UQCRC2: variants seen among roughly 807,000 people sequenced by gnomAD.
The protein encoded by UQCRC2 is cytochrome b-c1 complex subunit 2, mitochondrial.
UQCRC2 carries 49 observed loss-of-function variants against 55.6 expected under a neutral mutation model. The observed-to-expected ratio is 0.88, with a 90% confidence interval of 0.70 to 1.12. The LOEUF (loss-of-function observed/expected upper bound fraction) is 1.12, where lower values mean the gene tolerates loss of function less well. UQCRC2 is among the 50% of genes most tolerant of loss of function. The pLI is 0.00. For synonymous variants in UQCRC2, 193 were observed against 192.0 expected (o/e 1.01, Z -0.04); for missense variants, 506 against 547.8 (o/e 0.92, Z 0.76).
chr16:21,958,472 G>A lies in UQCRC2; in HGVS notation c.268-63G>A, dbSNP rs536514543. On this transcript the variant is annotated intron_variant, in intron 3 of 13. Transcript: ENST00000268379. ...TCTGCTCACAACAGATTTTGATATA[G>A]TGTGATGTTTGGCAAACTTGGCATT... 7.8e-6 allele frequency: 11 copies of A among 1,413,412 alleles called. No individual in the cohort carries two copies. In the Admixed American group the frequency reaches 1.4e-4, roughly 18 times the overall value. 87.6% of individuals were successfully genotyped at this position (1,413,412 alleles called of 1,614,324 possible). A position where few individuals can be genotyped will look rare whatever the true frequency, so the allele number is the denominator to read the frequency against.
rs1447343029 is a variant in UQCRC2 at position 21,953,578 on chromosome 16, C to T, written c.33+122C>T. On this transcript the variant is annotated intron_variant, in intron 1 of 13. Transcript: ENST00000268379. ...GATTCGGTCTGCCCTTCAGCTGAAC[C>T]CTGCGGGCCAAGTGGGCTGCAGACT... The T allele has an allele frequency of 3.8e-6, 5 of 1,299,274 alleles. No individual in the cohort carries two copies. In the Admixed American group the frequency reaches 7.7e-5, roughly 20 times the overall value. 80.5% of individuals were successfully genotyped at this position (1,299,274 alleles called of 1,614,324 possible). A position where few individuals can be genotyped will look rare whatever the true frequency, so the allele number is the denominator to read the frequency against.
At position 21,957,422 on chromosome 16, in the gene UQCRC2, C is replaced by G; in HGVS notation, c.123C>G (p.Thr41=). 1 of 1,613,950 alleles carries G rather than the reference C, an allele frequency of 6.2e-7. No individual in the cohort carries two copies. Among genetic ancestry groups the G allele is most frequent in the Non-Finnish European group, 8.5e-7 (1 of 1,179,968 alleles). ...APPQPQDLEF[T]KLPNGLVIAS... ...CTACTTTATTTTAAATACAGTTTAC[C>G]AAGTTACCAAATGGCTTGGTGATTG... The change falls in exon 3 of 14, where the codon ACC becomes ACG. Residue 41 remains threonine, a synonymous_variant. Transcript: ENST00000268379.
chr16:21,976,364 AG>A (rs1898586035), intron 12 of UQCRC2, 121 bp downstream of exon 12: 1 of 836,916 alleles, frequency 1.2e-6, no homozygotes, highest in South Asian at 1.7e-5. Context: ...AAGCGTAAAA[AG>A]GGAAACATAC....
rs541463462 is a variant in UQCRC2, at chr16:21,969,874, G to GT, written c.670+1200dup. On this transcript the variant is annotated intron_variant, in intron 8 of 13. Coordinates refer to ENST00000268379, the MANE Select transcript of UQCRC2 (RefSeq NM_003366.4). ...GCATCCACTAATCTACTTTGTTTTT[G>GT]TTTTTTTTTTTAAAGAGATGGAGGT... Among the ~76,000 whole-genome samples, 1,228 of 143,558 alleles carry GT rather than the reference G, an allele frequency of 8.6e-3. 6 individuals carry two copies. Among genetic ancestry groups the GT allele is most frequent in the Middle Eastern group, 0.021 (6 of 280 alleles). 94.2% of individuals were successfully genotyped at this position (143,558 alleles called of 152,430 possible).
chr16:21,959,656 T>C (rs190316632), intron 4 of UQCRC2: 1 of 152,280 alleles, frequency 6.6e-6, no homozygotes, highest in Non-Finnish European at 1.5e-5. Context: ...GTGAATTCTT[T>C]CCAGAAAGTT....
At chr16:21,955,871 G>A (rs1898078256) in intron 1 of UQCRC2, among the ~76,000 whole-genome samples, 1 of 152,028 alleles carries the variant, frequency 6.6e-6, no homozygotes, top group South Asian at 2.1e-4. Flanking sequence ...TGTTGCCCAG[G>A]CTAGACTGCA....
chr16:21,954,618 A>G (rs760710841), intron 1 of UQCRC2, among the ~76,000 whole-genome samples: 63 of 152,342 alleles, frequency 4.1e-4, no homozygotes, highest in Non-Finnish European at 7.9e-4. Context: ...GAAAGCAATT[A>G]TTTATGTGTC....
rs1201028763 is a variant in UQCRC2, at chr16:21,983,183, A to T, written c.*12A>T. On this transcript the variant is annotated 3_prime_UTR_variant, in exon 14 of 14. Transcript: ENST00000268379. ...TTGATGAGTTGTAATACTGATGCAC[A>T]CATTACAGGAGAGAGCTGAACGTTC... is the stretch of plus-strand genomic sequence containing the variant. The T allele has an allele frequency of 2.4e-5, 39 of 1,611,128 alleles. No homozygotes were observed. Among genetic ancestry groups the T allele is most frequent in the Non-Finnish European group, 3.3e-5 (39 of 1,177,532 alleles).
intron 10 of UQCRC2, among the ~76,000 whole-genome samples, chr16:21,973,184 T>C (rs1195792799): frequency 6.6e-6 from 1 of 152,230 alleles, no homozygotes; most frequent in Admixed American, 6.5e-5. Context: ...TCTCCAAGTT[T>C]ATTGTACATA....
At chr16:21,977,188 CAA>C (rs1047817387) in intron 12 of UQCRC2, among the ~76,000 whole-genome samples, 2 of 151,964 alleles carry the variant, frequency 1.3e-5, no homozygotes, top group African/African-American at 4.8e-5. Context: ...ACTGTCTTTA[CAA>C]AAAGATATTT....
At chr16:21,982,786 G>A (rs1031222190) in intron 13 of UQCRC2, among the ~76,000 whole-genome samples, 3 of 151,960 alleles carry the variant, frequency 2.0e-5, no homozygotes, top group African/African-American at 4.8e-5. Flanking sequence ...CCAACATGGC[G>A]AAATCCCGTC....
chr16:21,962,794 C>T lies in UQCRC2; in HGVS notation c.423C>T (p.Thr141=). 1 of 1,613,986 alleles carries T rather than the reference C, an allele frequency of 6.2e-7. No individual in the cohort carries two copies. The change falls in exon 6 of 14, where the codon ACC becomes ACT. Residue 141 remains threonine (T), a synonymous_variant. Coordinates refer to ENST00000268379, the MANE Select transcript of UQCRC2 (RefSeq NM_003366.4). The stretch of plus-strand genomic sequence containing the variant: ...TAATGGAGTTCCTGCTCAATGTCAC[C>T]ACAGCACCAGAATTTCGTCGTTGGG... ...DILMEFLLNV[T]TAPEFRRWEV...
intron 8 of UQCRC2, among the ~76,000 whole-genome samples, chr16:21,969,068 A>G (rs920230391): frequency 1.3e-5 from 2 of 152,212 alleles, no homozygotes; most frequent in African/African-American, 4.8e-5. Flanking sequence ...TCTTTGTTTT[A>G]AATGATCAGC....
chr16:21,976,324 C>A, intron 12 of UQCRC2, 81 bp downstream of exon 12: 1 of 1,227,618 alleles, frequency 8.1e-7, no homozygotes, highest in Non-Finnish European at 1.2e-6. Context: ...ATATTACAAT[C>A]TATGCTCATA....
At position 21,980,716 on chromosome 16, in the gene UQCRC2, CTT is replaced by C. The variant is rs1169539732; in HGVS notation, c.1278+17_1278+18del. On this transcript the variant is annotated intron_variant, in intron 13 of 13. Transcript: ENST00000268379. ...TATCATAAATGTAAGTAAATGAAAACTTAACGATTTAACAACAGAGAACTTAA... is the reference window on the plus strand; with the variant it reads ...TATCATAAATGTAAGTAAATGAAAACAACGATTTAACAACAGAGAACTTAA... The C allele has an allele frequency of 6.2e-7, 1 of 1,612,162 alleles. No homozygotes were observed. The highest frequency in any genetic ancestry group is 2.2e-5 in the East Asian group (1 of 44,866).
At chr16:21,954,440 G>A (rs1898058744) in intron 1 of UQCRC2, among the ~76,000 whole-genome samples, 1 of 152,142 alleles carries the variant, frequency 6.6e-6, no homozygotes, top group Non-Finnish European at 1.5e-5. Context: ...GGCTGTAATT[G>A]CATTAACCTT....
chr16:21,971,218 G>T (rs1026845804), intron 8 of UQCRC2, among the ~76,000 whole-genome samples: 13 of 152,052 alleles, frequency 8.5e-5, no homozygotes. Flanking sequence ...TTAGAAATTT[G>T]TAAATTATGA....
At chr16:21,968,120 G>C (rs1898372999) in intron 7 of UQCRC2, among the ~76,000 whole-genome samples, 1 of 150,430 alleles carries the variant, frequency 6.6e-6, no homozygotes. Context: ...TCGTGCCTCA[G>C]CCACCCATGT....
chr16:21,973,488 G>A (rs1898511967), intron 10 of UQCRC2, among the ~76,000 whole-genome samples: 1 of 152,152 alleles, frequency 6.6e-6, no homozygotes, highest in African/African-American at 2.4e-5. Context: ...TCTGACATGA[G>A]TGTATAAGAG....
Sources: gnomAD v4.1 joint callset for allele counts (sites outside exome capture counted in the v4.1 genomes callset) on GRCh38, gnomAD v4.1.1 for gene constraint, MANE v1.5 for transcripts, NCBI Gene and HGNC (gene_info 2026-07-23, HGNC 2026-07-21) for gene names.